Variants in HERC3 observed in about 807,000 individuals in gnomAD.
HERC3 encodes the protein HECT and RLD domain containing E3 ubiquitin protein ligase 3, also known as probable E3 ubiquitin-protein ligase HERC3.
In HERC3, 58 loss-of-function variants were observed where a neutral mutation model predicts 129.9. The observed-to-expected ratio is 0.45, with a 90% CI of 0.36 to 0.56. HERC3 has a LOEUF of 0.56. HERC3 is among the 20% of genes least tolerant of loss of function. The pLI, the probability that HERC3 is intolerant of heterozygous loss-of-function variation, is 0.00. For synonymous variants in HERC3, 430 were observed against 451.0 expected, an observed-to-expected ratio of 0.95 and a Z score of 0.59; for missense variants, 835 against 1,244.2, an observed-to-expected ratio of 0.67 and a Z score of 4.95.
chr4:88,637,623 T>C (rs1026647620), intron 3 of HERC3, among the ~76,000 whole-genome samples: 9 of 152,146 alleles, frequency 5.9e-5, no homozygotes, highest in Non-Finnish European at 1.0e-4. Context: ...TTTATAGCAC[T>C]AAATGCCCAT....
At chr4:88,699,397 C>T (rs1359463292) in intron 23 of HERC3, among the ~76,000 whole-genome samples, 1 of 95,770 alleles carries the variant, frequency 1.0e-5, no homozygotes, top group Admixed American at 1.0e-4. Flanking sequence ...TGTCTTCTTC[C>T]CCACCTTCCC....
intron 3 of HERC3, among the ~76,000 whole-genome samples, chr4:88,635,066 G>T (rs747457185): frequency 6.6e-6 from 1 of 152,046 alleles, no homozygotes; most frequent in Non-Finnish European, 1.5e-5. Flanking sequence ...TGAAAAAAAC[G>T]CTGAAAACCC....
At chr4:88,694,212 C>G (rs774865114) in intron 23 of HERC3, among the ~76,000 whole-genome samples, 3 of 152,198 alleles carry the variant, frequency 2.0e-5, no homozygotes, top group Admixed American at 1.3e-4. Flanking sequence ...TTCAGGAACA[C>G]GCAGCATTAG....
chr4:88,612,840 T>C (rs1379866119), intron 3 of HERC3, among the ~76,000 whole-genome samples: 2 of 152,200 alleles, frequency 1.3e-5, no homozygotes, highest in Non-Finnish European at 2.9e-5. Context: ...ATAAGCTTTT[T>C]TTTCCTGAAT....
chr4:88,532,415 G>A, the HERC3 span, among the ~76,000 whole-genome samples: 1 of 152,124 alleles, frequency 6.6e-6, no homozygotes, highest in African/African-American at 2.4e-5. Context: ...CTGAGGGCAG[G>A]GGAGTATATA....
intron 11 of HERC3, among the ~76,000 whole-genome samples, chr4:88,663,043 C>T (rs1282549768): frequency 6.6e-6 from 1 of 151,114 alleles, no homozygotes; most frequent in East Asian, 1.9e-4. Flanking sequence ...GAGCTTTTAT[C>T]AAATTTAAAG....
the HERC3 span, among the ~76,000 whole-genome samples, chr4:88,563,984 G>T: frequency 1.3e-5 from 2 of 151,940 alleles, no homozygotes; most frequent in Non-Finnish European, 2.9e-5. Flanking sequence ...TTTTTTTGAG[G>T]ATTTTTATCA....
At chr4:88,558,721 T>C in the HERC3 span, among the ~76,000 whole-genome samples, 2 of 151,886 alleles carry the variant, frequency 1.3e-5, no homozygotes, top group Non-Finnish European at 2.9e-5. Context: ...CCCAGCACTT[T>C]GGGAGGCCGA....
At chr4:88,535,327 G>A in the HERC3 span, among the ~76,000 whole-genome samples, 1 of 152,130 alleles carries the variant, frequency 6.6e-6, no homozygotes, top group Non-Finnish European at 1.5e-5. Flanking sequence ...TGGAAAATAC[G>A]ACTAAATATT....
intron 23 of HERC3, among the ~76,000 whole-genome samples, chr4:88,703,434 T>G (rs1355340165): frequency 2.6e-5 from 4 of 152,196 alleles, no homozygotes; most frequent in Non-Finnish European, 5.9e-5. Context: ...TCAGTTTATC[T>G]TCCTACCAAC....
chr4:88,706,511 TC>T (rs2149353997), intron 25 of HERC3, among the ~76,000 whole-genome samples: 1 of 152,290 alleles, frequency 6.6e-6, no homozygotes, highest in Admixed American at 6.5e-5. Context: ...TGACAGCAAT[TC>T]CTTCCCTCTT....
the HERC3 span, among the ~76,000 whole-genome samples, chr4:88,546,067 C>G: frequency 1.3e-5 from 2 of 152,090 alleles, no homozygotes; most frequent in African/African-American, 4.8e-5. Context: ...CTTAAAAGAA[C>G]AAGTGTATTT....
chr4:88,686,830 T>C (rs1198371514), intron 22 of HERC3, 28 bp downstream of exon 22: 2 of 1,500,720 alleles, frequency 1.3e-6, no homozygotes, highest in South Asian at 1.1e-5. Context: ...TTACTTAGGA[T>C]TGTGGCTGTC....
intron 3 of HERC3, among the ~76,000 whole-genome samples, chr4:88,638,563 A>G (rs550642015): frequency 6.6e-5 from 10 of 152,220 alleles, no homozygotes; most frequent in Non-Finnish European, 1.3e-4. Context: ...AAGACTCTCA[A>G]TAAACTAGGT....
the HERC3 span, among the ~76,000 whole-genome samples, chr4:88,532,833 A>G: frequency 2.0e-5 from 3 of 152,224 alleles, no homozygotes; most frequent in Non-Finnish European, 4.4e-5. Flanking sequence ...GCAAGGGTTC[A>G]AGGGAGAGCT....
At chr4:88,604,944 A>ATT (rs201522802) in intron 2 of HERC3, among the ~76,000 whole-genome samples, 1 of 151,636 alleles carries the variant, frequency 6.6e-6, no homozygotes, top group Admixed American at 6.6e-5. Context: ...GAGAGATGAG[A>ATT]TTTTTTTTTG....
intron 3 of HERC3, among the ~76,000 whole-genome samples, chr4:88,646,194 G>A (rs1417303415): frequency 6.6e-6 from 1 of 152,102 alleles, no homozygotes; most frequent in African/African-American, 2.4e-5. Flanking sequence ...TTGTTGCAAG[G>A]CTTAAGAATC....
At chr4:88,685,830 T>C (rs1733383794) in intron 21 of HERC3, among the ~76,000 whole-genome samples, 1 of 152,178 alleles carries the variant, frequency 6.6e-6, no homozygotes, top group Non-Finnish European at 1.5e-5. Context: ...TTTTCTTCTA[T>C]ATATATTTTA....
At chr4:88,627,487 A>G (rs1726231359) in intron 3 of HERC3, among the ~76,000 whole-genome samples, 1 of 152,206 alleles carries the variant, frequency 6.6e-6, no homozygotes, top group East Asian at 1.9e-4. Context: ...GACATTTTAT[A>G]CAAGGAATTT....
Sources: allele counts gnomAD v4.1 joint callset (sites outside exome capture counted in the v4.1 genomes callset), GRCh38; gene constraint gnomAD v4.1.1; transcripts MANE v1.5; gene names NCBI Gene and HGNC (gene_info 2026-07-23, HGNC 2026-07-21).